TAS2R1: variants seen among roughly 807,000 people sequenced by gnomAD.
TAS2R1 encodes taste receptor type 2 member 1.
For missense variants in TAS2R1, 370 were observed against 353.4 expected (o/e 1.05, Z -0.38); for synonymous variants, 141 against 134.2 (o/e 1.05, Z -0.35).
intron 1 of TAS2R1, among the ~76,000 whole-genome samples, chr5:9,687,391 A>T (rs1455360136): frequency 6.6e-6 from 1 of 152,212 alleles, no homozygotes; most frequent in Non-Finnish European, 1.5e-5. Context: ...TTTTAAATAC[A>T]TGTAAAGTAC....
the TAS2R1 span, among the ~76,000 whole-genome samples, chr5:9,724,862 T>C: frequency 0.03 from 4,516 of 152,322 alleles, 92 homozygotes; most frequent in Middle Eastern, 0.065. Flanking sequence ...AAATCCTGGT[T>C]GCAATGTAAT....
At chr5:9,668,402 T>C (rs780156624) in intron 1 of TAS2R1, among the ~76,000 whole-genome samples, 10 of 152,102 alleles carry the variant, frequency 6.6e-5, no homozygotes, top group Non-Finnish European at 1.3e-4. Context: ...ATCAAGAAAA[T>C]GCAGAGAACC....
chr5:9,866,250 T>C, the TAS2R1 span, among the ~76,000 whole-genome samples: 13 of 152,360 alleles, frequency 8.5e-5, no homozygotes, highest in African/African-American at 3.1e-4. Context: ...TTTTATGGTT[T>C]CTGGTTCTCT....
At chr5:9,837,082 A>G in the TAS2R1 span, among the ~76,000 whole-genome samples, 1 of 152,204 alleles carries the variant, frequency 6.6e-6, no homozygotes, top group African/African-American at 2.4e-5. Context: ...TGAGGCTGAG[A>G]TGCCAGAACT....
At chr5:9,870,114 C>T in the TAS2R1 span, 1 of 152,236 alleles carries the variant, frequency 6.6e-6, no homozygotes, top group African/African-American at 2.4e-5. Context: ...TACCTCTCTT[C>T]CTCTGACTCC....
the TAS2R1 span, among the ~76,000 whole-genome samples, chr5:9,767,591 G>A: frequency 2.0e-5 from 3 of 152,242 alleles, no homozygotes; most frequent in East Asian, 1.9e-4. Context: ...CTCCTGACCC[G>A]TAACCACAGT....
chr5:9,719,621 G>A, the TAS2R1 span, among the ~76,000 whole-genome samples: 1 of 152,124 alleles, frequency 6.6e-6, no homozygotes, highest in African/African-American at 2.4e-5. Flanking sequence ...CTGGCTTCCT[G>A]CTGCTGCTTA....
chr5:9,645,197 A>G (rs932230718), intron 2 of TAS2R1, among the ~76,000 whole-genome samples: 3 of 152,168 alleles, frequency 2.0e-5, no homozygotes, highest in Non-Finnish European at 4.4e-5. Flanking sequence ...ACGCTAAACA[A>G]TTGAAAGGCA....
the TAS2R1 span, among the ~76,000 whole-genome samples, chr5:9,724,495 T>G: frequency 6.6e-6 from 1 of 152,168 alleles, no homozygotes; most frequent in African/African-American, 2.4e-5. Flanking sequence ...AAAAATCCAT[T>G]TTATATCCTA....
At chr5:9,665,415 T>C (rs1457856197) in intron 1 of TAS2R1, among the ~76,000 whole-genome samples, 1 of 152,248 alleles carries the variant, frequency 6.6e-6, no homozygotes, top group Non-Finnish European at 1.5e-5. Context: ...TGGCATCCTA[T>C]CATCTCAGTT....
chr5:9,634,036 G>GT (rs1047169487), upstream of TAS2R1, among the ~76,000 whole-genome samples: 2 of 152,052 alleles, frequency 1.3e-5, no homozygotes, highest in African/African-American at 4.8e-5. Flanking sequence ...GTCAAGAAGA[G>GT]TTTTTCTGAT....
At chr5:9,786,009 C>T in the TAS2R1 span, among the ~76,000 whole-genome samples, 1 of 152,248 alleles carries the variant, frequency 6.6e-6, no homozygotes. Context: ...TCCATGACCC[C>T]TGCTGCTCTG....
intron 1 of TAS2R1, among the ~76,000 whole-genome samples, chr5:9,686,422 G>A (rs1036087755): frequency 6.6e-6 from 1 of 152,152 alleles, no homozygotes; most frequent in African/African-American, 2.4e-5. Context: ...TCACCAGATG[G>A]GAAATCCAGC....
At chr5:9,673,639 A>T (rs1740813749) in intron 1 of TAS2R1, among the ~76,000 whole-genome samples, 1 of 151,868 alleles carries the variant, frequency 6.6e-6, no homozygotes, top group Non-Finnish European at 1.5e-5. Flanking sequence ...CAATAAGAGA[A>T]GCTGAAAAAA....
the TAS2R1 span, among the ~76,000 whole-genome samples, chr5:9,844,595 G>A: frequency 4.4e-4 from 67 of 152,164 alleles, no homozygotes; most frequent in African/African-American, 1.3e-3. Flanking sequence ...ACTTATTTAC[G>A]TGATTATTTG....
chr5:9,874,415 G>C, the TAS2R1 span, among the ~76,000 whole-genome samples: 1 of 152,144 alleles, frequency 6.6e-6, no homozygotes, highest in Non-Finnish European at 1.5e-5. Context: ...GTTGTCTTTT[G>C]AAAAATGTGT....
At chr5:9,722,192 G>A in the TAS2R1 span, among the ~76,000 whole-genome samples, 6 of 152,170 alleles carry the variant, frequency 3.9e-5, no homozygotes, top group African/African-American at 9.7e-5. Flanking sequence ...AGGAGGAACC[G>A]CTGCCAAGAG....
At chr5:9,831,042 G>C in the TAS2R1 span, among the ~76,000 whole-genome samples, 1 of 152,178 alleles carries the variant, frequency 6.6e-6, no homozygotes, top group African/African-American at 2.4e-5. Context: ...ACACCATTAA[G>C]ATGTCAGCAA....
chr5:9,710,774 A>C (rs1046925892), intron 1 of TAS2R1, among the ~76,000 whole-genome samples: 2 of 151,588 alleles, frequency 1.3e-5, no homozygotes, highest in African/African-American at 4.8e-5. Flanking sequence ...ATGGCCAATA[A>C]GTATATGAAA....
Sources: allele counts gnomAD v4.1 joint callset (sites outside exome capture counted in the v4.1 genomes callset), GRCh38; gene constraint gnomAD v4.1.1; transcripts MANE v1.5; gene names NCBI Gene and HGNC (gene_info 2026-07-23, HGNC 2026-07-21).